NUP37: variants seen among roughly 807,000 people sequenced by gnomAD.
The protein encoded by NUP37 is nucleoporin 37.
A neutral mutation model predicts 45.4 loss-of-function variants in NUP37; 33 were observed. The observed-to-expected ratio is 0.73, with a 90% confidence interval of 0.55 to 0.97. The LOEUF (loss-of-function observed/expected upper bound fraction) is 0.97. Among genes scored for constraint, NUP37 ranks in the 50% least tolerant of loss-of-function variants. NUP37 has a pLI of 0.00. For missense variants in NUP37, 365 were observed against 389.7 expected (o/e 0.94, Z 0.53); for synonymous variants, 127 against 130.7 (o/e 0.97, Z 0.19).
At chr12:102,092,366 G>C (rs1879679535) in intron 5 of NUP37, among the ~76,000 whole-genome samples, 1 of 152,140 alleles carries the variant, frequency 6.6e-6, no homozygotes, top group African/African-American at 2.4e-5. Flanking sequence ...AAGTAAGAAA[G>C]AAAAGAACAA....
At chr12:102,102,930 C>A (rs760594947) in intron 3 of NUP37, among the ~76,000 whole-genome samples, 1 of 152,056 alleles carries the variant, frequency 6.6e-6, no homozygotes, top group Non-Finnish European at 1.5e-5. Flanking sequence ...TATTTCTGGG[C>A]TCTCTATCTT....
chr12:102,079,591 C>T (rs1375365860), intron 6 of NUP37, among the ~76,000 whole-genome samples: 1 of 152,172 alleles, frequency 6.6e-6, no homozygotes, highest in African/African-American at 2.4e-5. Context: ...ATATAGACCT[C>T]ACCATGAACA....
chr12:102,097,968 AAGT>A (rs1013321407), intron 5 of NUP37, among the ~76,000 whole-genome samples: 2 of 152,186 alleles, frequency 1.3e-5, no homozygotes, highest in African/African-American at 4.8e-5. Flanking sequence ...AAAATTTAAA[AAGT>A]AGCTAGCAGC....
At chr12:102,090,134 C>T (rs1879604752) in intron 5 of NUP37, among the ~76,000 whole-genome samples, 1 of 152,168 alleles carries the variant, frequency 6.6e-6, no homozygotes, top group African/African-American at 2.4e-5. Flanking sequence ...AAAGCCAAAA[C>T]TTTCTCTCAT....
intron 2 of NUP37, chr12:102,115,830 A>G: frequency 1.0e-6 from 1 of 982,206 alleles, no homozygotes; most frequent in Middle Eastern, 5.3e-4. Context: ...TCAAGACAAG[A>G]GGCATGAAAC....
At chr12:102,112,889 G>A (rs1880358447) in intron 2 of NUP37, among the ~76,000 whole-genome samples, 1 of 152,084 alleles carries the variant, frequency 6.6e-6, no homozygotes, top group Non-Finnish European at 1.5e-5. Flanking sequence ...AACTATTATT[G>A]TTTATGAATA....
chr12:102,105,861 C>CAAAA (rs759252411), intron 3 of NUP37, among the ~76,000 whole-genome samples: 1 of 73,710 alleles, frequency 1.4e-5, no homozygotes. Context: ...GACTCCCTCT[C>CAAAA]AAAAAAAAAA....
Position 102,074,202 on chromosome 12 carries a change from C to A in NUP37, c.*152G>T. On this transcript the variant is annotated 3_prime_UTR_variant, in exon 10 of 10. Transcript: ENST00000552283. ...AGAGTAGAAAAATAATTTTTCAAAC[C>A]ATCAACATTTTATTTAATAAAAGCA... is the stretch of plus-strand genomic sequence containing the variant. The A allele has an allele frequency of 6.5e-6, 3 of 458,212 alleles. No homozygotes were observed. The highest frequency in any genetic ancestry group is 3.4e-5 in the East Asian group (1 of 29,094). 28.4% of individuals were successfully genotyped at this position (458,212 alleles called of 1,614,324 possible). A position where few individuals can be genotyped will look rare whatever the true frequency, so the allele number is the denominator to read the frequency against.
chr12:102,089,046 C>A (rs1011911503), intron 5 of NUP37, among the ~76,000 whole-genome samples: 14 of 152,278 alleles, frequency 9.2e-5, no homozygotes, highest in Admixed American at 7.2e-4. Context: ...AGATTAACAG[C>A]ATCCCAAGGC....
chr12:102,117,902 T>C (rs1352764112), intron 2 of NUP37, among the ~76,000 whole-genome samples: 1 of 152,206 alleles, frequency 6.6e-6, no homozygotes, highest in Non-Finnish European at 1.5e-5. Context: ...ATATTCTGCA[T>C]ACATTAGATG....
intron 6 of NUP37, among the ~76,000 whole-genome samples, chr12:102,081,559 T>G (rs1879333424): frequency 6.6e-6 from 1 of 152,208 alleles, no homozygotes; most frequent in Non-Finnish European, 1.5e-5. Flanking sequence ...GAACTTTTGG[T>G]GCTTTGGTTT....
chr12:102,095,635 A>G (rs1395084595), intron 5 of NUP37, among the ~76,000 whole-genome samples: 1 of 152,088 alleles, frequency 6.6e-6, no homozygotes, highest in Non-Finnish European at 1.5e-5. Flanking sequence ...ATAAAGATAC[A>G]TATTTCTTCA....
chr12:102,077,632 T>C (rs777342791), intron 6 of NUP37, 129 bp from the exon 7 acceptor site: 12 of 925,384 alleles, frequency 1.3e-5, no homozygotes, highest in South Asian at 1.8e-5. Flanking sequence ...GCATTCCTCA[T>C]CTGAAAATCT....
chr12:102,097,759 C>T (rs1451684650), intron 5 of NUP37, among the ~76,000 whole-genome samples: 2 of 152,008 alleles, frequency 1.3e-5, no homozygotes, highest in African/African-American at 2.4e-5. Context: ...TTCCAGTGAC[C>T]GAATTTTTAC....
intron 3 of NUP37, among the ~76,000 whole-genome samples, chr12:102,107,717 A>G (rs1880193963): frequency 6.6e-6 from 1 of 152,220 alleles, no homozygotes; most frequent in Non-Finnish European, 1.5e-5. Flanking sequence ...TGAATCTCAT[A>G]TATATAATGT....
At chr12:102,111,797 G>A (rs1397700735) in intron 3 of NUP37, among the ~76,000 whole-genome samples, 1 of 151,962 alleles carries the variant, frequency 6.6e-6, no homozygotes, top group East Asian at 1.9e-4. Context: ...GTTATTTTAA[G>A]TTATACTTTC....
chr12:102,117,055 A>G (rs549662980), intron 2 of NUP37, among the ~76,000 whole-genome samples: 6 of 152,354 alleles, frequency 3.9e-5, no homozygotes, highest in Non-Finnish European at 7.3e-5. Flanking sequence ...AGGAAATAAC[A>G]TTTATAATAA....
intron 2 of NUP37, among the ~76,000 whole-genome samples, chr12:102,114,575 C>T (rs959515168): frequency 1.3e-5 from 2 of 152,126 alleles, no homozygotes; most frequent in Admixed American, 6.5e-5. Flanking sequence ...TACAAGGTTT[C>T]GGCATATTTG....
At chr12:102,074,728 T>C (rs1269965125) in intron 9 of NUP37, 1 of 435,614 alleles carries the variant, frequency 2.3e-6, no homozygotes, top group East Asian at 3.6e-5. Flanking sequence ...TTAATGTATT[T>C]AAATAAAGAA....
Sources: gnomAD v4.1 joint callset for allele counts (sites outside exome capture counted in the v4.1 genomes callset) on GRCh38, gnomAD v4.1.1 for gene constraint, MANE v1.5 for transcripts, NCBI Gene and HGNC (gene_info 2026-07-23, HGNC 2026-07-21) for gene names.